Variants in RUFY4 observed in about 807,000 individuals in gnomAD.
RUFY4 encodes RUN and FYVE domain-containing protein 4.
In RUFY4, 73 loss-of-function variants were observed where a neutral mutation model predicts 69.0. That is an observed-to-expected ratio of 1.06 (90% CI 0.88 to 1.29). The LOEUF (loss-of-function observed/expected upper bound fraction) is 1.29. RUFY4 is among the 50% of genes most tolerant of loss of function. The pLI is 0.00. For synonymous variants in RUFY4, 287 were observed against 271.8 expected (o/e 1.06, Z -0.55); for missense variants, 770 against 705.6 (o/e 1.09, Z -1.03).
intron 2 of RUFY4, among the ~76,000 whole-genome samples, chr2:218,044,999 T>C (rs1688793924): frequency 6.6e-6 from 1 of 152,102 alleles, no homozygotes; most frequent in Non-Finnish European, 1.5e-5. Flanking sequence ...TGTTTTTCGG[T>C]CTTTGAGGAA....
At position 218,077,368 on chromosome 2, in the gene RUFY4, T is replaced by TTCTC. The variant is rs145178342; in HGVS notation, c.1355+851_1355+854dup. Among the ~76,000 whole-genome samples the TTCTC allele has an allele frequency of 2.0e-5, 3 of 150,600 alleles. No homozygotes were observed. The East Asian group carries it at 5.8e-4, about 29-fold the overall frequency. On this transcript the variant is annotated intron_variant, in intron 8 of 10. Transcript: ENST00000344321. ...AGTCCTCAGTCTCTCAGGTCTCAGT[T>TTCTC]TCTCTCTCTCTCTCTCTCTTTCTTT...
intron 2 of RUFY4, among the ~76,000 whole-genome samples, chr2:218,048,585 A>T (rs1688880744): frequency 6.6e-6 from 1 of 152,042 alleles, no homozygotes; most frequent in Non-Finnish European, 1.5e-5. Context: ...TTCTGAAGAT[A>T]TTATGGTTTT....
chr2:218,079,504 T>A (rs1483500878), intron 8 of RUFY4, among the ~76,000 whole-genome samples: 1 of 152,056 alleles, frequency 6.6e-6, no homozygotes, highest in Admixed American at 6.5e-5. Flanking sequence ...TTGAACACGT[T>A]ACGTTTGAGA....
At chr2:218,077,581 T>C (rs1253614511) in intron 8 of RUFY4, among the ~76,000 whole-genome samples, 2 of 152,218 alleles carry the variant, frequency 1.3e-5, no homozygotes, top group African/African-American at 4.8e-5. Flanking sequence ...GTCTCTCTCC[T>C]GTGGTCTCCG....
At chr2:218,089,838 G>C (rs1689989321) in intron 10 of RUFY4, 114 bp from the exon 13 acceptor site, 2 of 789,792 alleles carry the variant, frequency 2.5e-6, no homozygotes, top group Non-Finnish European at 4.4e-6. Flanking sequence ...TGGGAGATGA[G>C]AAACAGATGT....
intron 2 of RUFY4, among the ~76,000 whole-genome samples, chr2:218,043,385 G>A (rs1170531770): frequency 6.6e-6 from 1 of 152,092 alleles, no homozygotes; most frequent in African/African-American, 2.4e-5. Context: ...CCTGGAGAAG[G>A]TAGCTCCTTT....
At chr2:218,060,747 C>G in intron 3 of RUFY4, 1 of 1,475,718 alleles carries the variant, frequency 6.8e-7, no homozygotes, top group Non-Finnish European at 9.5e-7. Flanking sequence ...ACAGCATGAT[C>G]GCAGCGGCAC....
intron 2 of RUFY4, among the ~76,000 whole-genome samples, chr2:218,041,085 G>C (rs1688688021): frequency 1.3e-5 from 2 of 151,832 alleles, no homozygotes; most frequent in South Asian, 4.2e-4. Flanking sequence ...TGTTTTCCCT[G>C]GAATTGATGA....
At chr2:218,089,011 G>T (rs1490712574) in intron 9 of RUFY4, among the ~76,000 whole-genome samples, 2 of 149,494 alleles carry the variant, frequency 1.3e-5, no homozygotes, top group Non-Finnish European at 3.0e-5. Flanking sequence ...GTCCATCTTT[G>T]TATCCCTCCC....
chr2:218,041,548 G>T (rs1688696501), intron 2 of RUFY4, among the ~76,000 whole-genome samples: 2 of 151,490 alleles, frequency 1.3e-5, no homozygotes, highest in Admixed American at 1.3e-4. Context: ...CTGAGGGAAT[G>T]CAAGAGAGAG....
intron 8 of RUFY4, among the ~76,000 whole-genome samples, chr2:218,077,328 C>T (rs535028286): frequency 6.6e-6 from 1 of 152,334 alleles, no homozygotes; most frequent in East Asian, 1.9e-4. Flanking sequence ...CTGTCTGTCT[C>T]TACCATCCCC....
At chr2:218,063,608 A>T (rs1297990446) in intron 3 of RUFY4, among the ~76,000 whole-genome samples, 6 of 152,220 alleles carry the variant, frequency 3.9e-5, no homozygotes, top group Admixed American at 3.9e-4. Context: ...GGAATTAACC[A>T]GCAGGCAAGG....
chr2:218,064,486 G>A (rs1211386433), upstream of RUFY4, among the ~76,000 whole-genome samples: 8 of 152,128 alleles, frequency 5.3e-5, no homozygotes, highest in South Asian at 2.1e-4. Context: ...ATCCTCCCTC[G>A]CTCCATCCCA....
At chr2:218,073,544 G>C (rs1344030243) in intron 5 of RUFY4, among the ~76,000 whole-genome samples, 158 bp downstream of exon 7, 1 of 152,188 alleles carries the variant, frequency 6.6e-6, no homozygotes, top group Non-Finnish European at 1.5e-5. Context: ...GATGCTCCCA[G>C]TGCAAATTCA....
intron 3 of RUFY4, among the ~76,000 whole-genome samples, chr2:218,062,289 C>T (rs1399966092): frequency 6.6e-6 from 1 of 151,898 alleles, no homozygotes; most frequent in East Asian, 1.9e-4. Context: ...ACCTGTAGTC[C>T]CAGCTACTCA....
exon 11 of RUFY4, chr2:218,090,007 C>A (rs760107806): frequency 6.4e-7 from 1 of 1,566,490 alleles, no homozygotes; most frequent in Non-Finnish European, 8.7e-7. Flanking sequence ...GAAGAGAGAC[C>A]GCTGCTGCCC....
In RUFY4 at chr2:218,038,727, G is replaced by A. The variant is rs146979252; in HGVS notation, c.-1158+3333G>A. Among the ~76,000 whole-genome samples the A allele has an allele frequency of 2.2e-3, 341 of 152,318 alleles. 4 individuals are homozygous for A. The highest frequency in any genetic ancestry group is 7.7e-3 in the African/African-American group (318 of 41,560). On this transcript the variant is annotated intron_variant and NMD_transcript_variant, in intron 2 of 13. Transcript: ENST00000457754. ...TTACACATAACATTTGCTAATGTTG[G>A]TTGGGGGCTCAGTAACTTCCAAGGC... is the stretch of plus-strand genomic sequence containing the variant.
chr2:218,038,949 T>C (rs1046018745), intron 2 of RUFY4, among the ~76,000 whole-genome samples: 2 of 152,054 alleles, frequency 1.3e-5, no homozygotes, highest in African/African-American at 2.4e-5. Flanking sequence ...TTAGCAAAAA[T>C]CATATCCTTG....
At chr2:218,046,585 A>G (rs957052748) in intron 2 of RUFY4, among the ~76,000 whole-genome samples, 1 of 152,220 alleles carries the variant, frequency 6.6e-6, no homozygotes, top group African/African-American at 2.4e-5. Flanking sequence ...TCTTTCAGGA[A>G]GAAAATTTGG....
Sources: gnomAD v4.1 joint callset for allele counts (sites outside exome capture counted in the v4.1 genomes callset) on GRCh38, gnomAD v4.1.1 for gene constraint, MANE v1.5 for transcripts, NCBI Gene and HGNC (gene_info 2026-07-23, HGNC 2026-07-21) for gene names.